The following TCF12 variants were observed in gnomAD, a reference collection of about 807,000 sequenced individuals.
TCF12 encodes DNA-binding protein HTF4.
A neutral mutation model predicts 86.0 loss-of-function variants in TCF12; 45 were observed. That is an observed-to-expected ratio of 0.52 (90% CI 0.41 to 0.67). The LOEUF is 0.67. Among genes scored for constraint, TCF12 ranks in the 30% least tolerant of loss-of-function variants. TCF12 has a pLI of 0.00. For synonymous variants in TCF12, 330 were observed against 299.6 expected, an observed-to-expected ratio of 1.10 and a Z score of -1.05; for missense variants, 881 against 859.9, an observed-to-expected ratio of 1.02 and a Z score of -0.31.
intron 3 of TCF12, among the ~76,000 whole-genome samples, chr15:57,052,017 T>C (rs1204328688): frequency 6.6e-6 from 1 of 152,244 alleles, no homozygotes; most frequent in Non-Finnish European, 1.5e-5. Flanking sequence ...ACTTTATGTC[T>C]GGACCATACT....
chr15:57,224,465 A>G lies in TCF12; in HGVS notation c.580-6687A>G, dbSNP rs150033099. Among the ~76,000 whole-genome samples, 766 of 152,240 alleles carry G rather than the reference A, an allele frequency of 5.0e-3. 6 individuals carry two copies. The highest frequency in any genetic ancestry group is 0.017 in the African/African-American group (710 of 41,556). ...CTAGAAAACCAGTGATATGCCCAGT[A>G]ATGTTAATTTAAGATTAATTTAAAT... On this transcript the variant is annotated intron_variant, in intron 8 of 20. Transcript: ENST00000333725.
rs867172712 is a variant in TCF12, at chr15:56,983,188, C to T, written c.148+62090C>T. 2.7e-4 allele frequency among the ~76,000 whole-genome samples: 41 copies of T among 152,296 alleles called. No homozygotes were observed. In the Middle Eastern group the frequency reaches 0.014, roughly 51 times the overall value. ...TTCAACTCTGTCCTGTTACCTTTGT[C>T]TCCCGTAGTCATTCTTTGACTGCTG... is the stretch of plus-strand genomic sequence containing the variant. On this transcript the variant is annotated intron_variant, in intron 3 of 20. Transcript: ENST00000333725.
intron 20 of TCF12, among the ~76,000 whole-genome samples, chr15:57,285,919 C>CA (rs1404485521): frequency 6.6e-6 from 1 of 152,136 alleles, no homozygotes; most frequent in African/African-American, 2.4e-5. Context: ...TAGAGCAAGA[C>CA]ACTGTCTGAA....
intron 3 of TCF12, among the ~76,000 whole-genome samples, chr15:56,968,176 C>T (rs1260891882): frequency 5.3e-5 from 8 of 152,088 alleles, no homozygotes; most frequent in Admixed American, 1.3e-4. Flanking sequence ...AGGCTGGTCT[C>T]GAACTCCTGA....
intron 6 of TCF12, among the ~76,000 whole-genome samples, chr15:57,170,115 T>C (rs570654339): frequency 6.6e-6 from 1 of 152,284 alleles, no homozygotes; most frequent in East Asian, 1.9e-4. Flanking sequence ...GGTATTATGC[T>C]TAAGGCTACA....
chr15:56,936,735 T>C (rs2140309280), intron 3 of TCF12, among the ~76,000 whole-genome samples: 1 of 152,282 alleles, frequency 6.6e-6, no homozygotes, highest in Non-Finnish European at 1.5e-5. Context: ...TTGAATGGGG[T>C]GTCCTTTCCC....
chr15:57,123,455 T>TTTC (rs1227626481), intron 5 of TCF12, among the ~76,000 whole-genome samples: 1 of 152,158 alleles, frequency 6.6e-6, no homozygotes, highest in Non-Finnish European at 1.5e-5. Context: ...AAGTCTTTCA[T>TTTC]TTCTTCTAAT....
intron 12 of TCF12, among the ~76,000 whole-genome samples, chr15:57,238,832 A>G (rs2059486140): frequency 6.6e-6 from 1 of 152,188 alleles, no homozygotes; most frequent in Non-Finnish European, 1.5e-5. Flanking sequence ...ACAAATAATG[A>G]TAATGTATAA....
chr15:57,084,655 G>A (rs1260841259), intron 4 of TCF12, among the ~76,000 whole-genome samples: 1 of 151,802 alleles, frequency 6.6e-6, no homozygotes, highest in African/African-American at 2.4e-5. Context: ...GTAGATTAGT[G>A]CTTCTCAAAC....
At chr15:57,278,664 A>G in intron 19 of TCF12, 1 of 208,874 alleles carries the variant, frequency 4.8e-6, no homozygotes, top group Non-Finnish European at 1.0e-5. Context: ...CTCATGAACT[A>G]CAAAAGGATC....
intron 4 of TCF12, among the ~76,000 whole-genome samples, chr15:57,077,240 G>C (rs1344245954): frequency 2.6e-5 from 4 of 151,850 alleles, no homozygotes; most frequent in Admixed American, 2.6e-4. Context: ...CAGTTGGAGG[G>C]GGAACTTAAC....
At chr15:57,043,453 T>TTG (rs1357700534) in intron 3 of TCF12, among the ~76,000 whole-genome samples, 6 of 152,064 alleles carry the variant, frequency 3.9e-5, no homozygotes, top group East Asian at 1.9e-4. Flanking sequence ...TGTTCTTATG[T>TTG]TGTGTGTGTG....
intron 6 of TCF12, among the ~76,000 whole-genome samples, chr15:57,181,675 A>G (rs1053201545): frequency 6.6e-6 from 1 of 152,248 alleles, no homozygotes; most frequent in African/African-American, 2.4e-5. Flanking sequence ...TTTCTTACAG[A>G]TGAAGAGGGA....
In TCF12 at chr15:57,287,969, C is replaced by G. The variant is rs375923088; in HGVS notation, c.*1824C>G. 1.3e-5 allele frequency: 2 copies of G among 152,600 alleles called. No individual in the cohort carries two copies. The highest frequency in any genetic ancestry group is 2.4e-5 in the African/African-American group (1 of 41,514). 9.5% of individuals were successfully genotyped at this position (152,600 alleles called of 1,614,324 possible). The stretch of plus-strand genomic sequence containing the variant: ...TTTCTTCAGAGCTTGTTGTCTTTTT[C>G]GCTATATTAGACTTTGCAGTATGCC... On this transcript the variant is annotated 3_prime_UTR_variant, in exon 21 of 21. Transcript: ENST00000333725.
At position 57,252,477 on chromosome 15, in the gene TCF12, A is replaced by G; in HGVS notation, c.1245A>G (p.Leu415=). 1 of 1,613,842 alleles carries G rather than the reference A, an allele frequency of 6.2e-7. No homozygotes were observed. ...HEHLQDAMSF[L]KDVCEQSRME... ...ATTTGCAAGATGCAATGTCCTTCTT[A>G]AAGGATGTCTGTGAGGTACTATTTC... The change falls in exon 15 of 21, where the codon TTA becomes TTG. Residue 415 remains leucine, a synonymous_variant. Transcript: ENST00000333725.
At chr15:57,047,271 A>G (rs537974719) in intron 3 of TCF12, among the ~76,000 whole-genome samples, 144 of 152,334 alleles carry the variant, frequency 9.5e-4, no homozygotes, top group African/African-American at 3.2e-3. Context: ...TTACTTTATC[A>G]TAGATGTTTG....
chr15:57,113,747 T>C (rs2050651933), intron 5 of TCF12, among the ~76,000 whole-genome samples: 1 of 148,430 alleles, frequency 6.7e-6, no homozygotes, highest in Admixed American at 6.8e-5. Context: ...CAAGACCAGC[T>C]TGGACAAAAT....
chr15:57,190,749 A>C (rs372605555), intron 6 of TCF12, among the ~76,000 whole-genome samples: 58 of 152,252 alleles, frequency 3.8e-4, no homozygotes, highest in African/African-American at 1.3e-3. Flanking sequence ...AAGTCTCATA[A>C]TGTCACTGTA....
chr15:57,085,431 A>G (rs146649296), intron 4 of TCF12, among the ~76,000 whole-genome samples: 24 of 152,304 alleles, frequency 1.6e-4, no homozygotes, highest in African/African-American at 5.5e-4. Flanking sequence ...GTCATTCATT[A>G]CATTAACAGA....
Sources: allele counts gnomAD v4.1 joint callset (sites outside exome capture counted in the v4.1 genomes callset), GRCh38; gene constraint gnomAD v4.1.1; transcripts MANE v1.5; gene names NCBI Gene and HGNC (gene_info 2026-07-23, HGNC 2026-07-21).